The following AQP7B variants were observed in gnomAD, a reference collection of about 807,000 sequenced individuals.
The protein encoded by AQP7B is putative aquaporin-7B.
the AQP7B span, chr2:94,594,610 T>C: frequency 1.6e-6 from 1 of 633,578 alleles, no homozygotes. Context: ...CTGTCCCAGC[T>C]GCCCCGGGCA....
chr2:94,591,295 C>A, the AQP7B span, among the ~76,000 whole-genome samples: 5 of 152,176 alleles, frequency 3.3e-5, no homozygotes, highest in African/African-American at 1.2e-4. Context: ...TCCATTCTCC[C>A]ACAGCTTCTC....
At chr2:94,592,910 G>A in the AQP7B span, among the ~76,000 whole-genome samples, 1 of 128,172 alleles carries the variant, frequency 7.8e-6, no homozygotes, top group African/African-American at 3.0e-5. Flanking sequence ...TGCAACCTCT[G>A]CCTTCTGGGC....
the AQP7B span, among the ~76,000 whole-genome samples, chr2:94,588,124 C>T: frequency 2.3e-3 from 349 of 151,896 alleles, 1 homozygote; most frequent in Non-Finnish European, 4.3e-3. Context: ...CCTGGACAGT[C>T]GCAGCTTAAG....
At chr2:94,587,935 A>G in the AQP7B span, among the ~76,000 whole-genome samples, 8,729 of 152,124 alleles carry the variant, frequency 0.057, 347 homozygotes, top group African/African-American at 0.12. Context: ...AGGAGGACAG[A>G]CAGGGTGAGG....
chr2:94,591,515 C>T, the AQP7B span, among the ~76,000 whole-genome samples: 1 of 152,146 alleles, frequency 6.6e-6, no homozygotes, highest in Non-Finnish European at 1.5e-5. Context: ...TGCCTCCACT[C>T]CACTTCCTCC....
chr2:94,603,332 C>T, the AQP7B span: 4 of 1,550,436 alleles, frequency 2.6e-6, no homozygotes, highest in South Asian at 3.6e-5. Context: ...TCTGGGACCC[C>T]AGTGGGGCTT....
chr2:94,591,313 C>T, the AQP7B span, among the ~76,000 whole-genome samples: 1 of 152,168 alleles, frequency 6.6e-6, no homozygotes, highest in Non-Finnish European at 1.5e-5. Context: ...CTCTGCTGTG[C>T]CCCACGCTAG....
At chr2:94,593,006 T>A in the AQP7B span, among the ~76,000 whole-genome samples, 2 of 151,734 alleles carry the variant, frequency 1.3e-5, no homozygotes, top group Admixed American at 6.6e-5. Context: ...GTATTTTTTT[T>A]TCGTAGAGAT....
At chr2:94,602,991 G>C in the AQP7B span, 1 of 1,558,124 alleles carries the variant, frequency 6.4e-7, no homozygotes, top group Admixed American at 1.9e-5. Context: ...TGTCACTGTT[G>C]TTTGTTCTGC....
the AQP7B span, among the ~76,000 whole-genome samples, chr2:94,590,944 CAAAAAAAAAAAA>C: frequency 8.1e-5 from 4 of 49,086 alleles, no homozygotes; most frequent in East Asian, 7.3e-4. Context: ...GACCCTGTCT[CAAAAAAAAAAAA>C]AAAAAAAAAA....
the AQP7B span, among the ~76,000 whole-genome samples, chr2:94,596,478 G>C: frequency 2.0e-5 from 3 of 152,180 alleles, no homozygotes; most frequent in Admixed American, 2.0e-4. Context: ...GGGGCCCATG[G>C]AGCTCAAGGG....
At chr2:94,588,970 T>G in the AQP7B span, among the ~76,000 whole-genome samples, 91 of 151,098 alleles carry the variant, frequency 6.0e-4, 2 homozygotes, top group African/African-American at 2.1e-3. Flanking sequence ...GAGTTTCTTT[T>G]CTGTTTTTTT....
chr2:94,603,329 C>A, the AQP7B span: 1 of 1,541,990 alleles, frequency 6.5e-7, no homozygotes, highest in Non-Finnish European at 8.9e-7. Flanking sequence ...ATTTCTGGGA[C>A]CCCAGTGGGG....
At chr2:94,596,751 T>G in the AQP7B span, among the ~76,000 whole-genome samples, 402 of 152,228 alleles carry the variant, frequency 2.6e-3, 2 homozygotes, top group African/African-American at 9.0e-3. Flanking sequence ...CTAGGATGGA[T>G]TGCAGTGGTA....
chr2:94,594,746 C>A, the AQP7B span: 3 of 1,569,716 alleles, frequency 1.9e-6, no homozygotes, highest in Non-Finnish European at 2.6e-6. Flanking sequence ...TGTCTCAGGT[C>A]CACCCGTGGC....
At chr2:94,604,045 G>A in the AQP7B span, 1 of 730,062 alleles carries the variant, frequency 1.4e-6, no homozygotes, top group Non-Finnish European at 2.3e-6. Flanking sequence ...CCCCCAGGTG[G>A]CCTGGGGAGC....
chr2:94,589,266 C>A, the AQP7B span, among the ~76,000 whole-genome samples: 7 of 151,832 alleles, frequency 4.6e-5, no homozygotes. Flanking sequence ...GCCTCGGCCT[C>A]CCAAAAGGTT....
the AQP7B span, among the ~76,000 whole-genome samples, chr2:94,595,883 G>T: frequency 2.0e-5 from 3 of 152,180 alleles, no homozygotes; most frequent in Non-Finnish European, 4.4e-5. Context: ...GCTCAGGAGA[G>T]GCTTGGTCTG....
chr2:94,592,609 G>T, the AQP7B span, among the ~76,000 whole-genome samples: 9 of 152,106 alleles, frequency 5.9e-5, no homozygotes, highest in East Asian at 1.8e-3. Context: ...TAGAGGCAGG[G>T]GAGAGGTAGA....
Sources: allele counts gnomAD v4.1 joint callset (sites outside exome capture counted in the v4.1 genomes callset), GRCh38; gene constraint gnomAD v4.1.1; transcripts MANE v1.5; gene names NCBI Gene and HGNC (gene_info 2026-07-23, HGNC 2026-07-21).